FRY: variants seen among roughly 807,000 people sequenced by gnomAD.
FRY encodes FRY microtubule binding protein.
A neutral mutation model predicts 348.4 loss-of-function variants in FRY; 128 were observed. The ratio of observed to expected loss-of-function variants is 0.37; its 90% CI spans 0.32 to 0.43. The LOEUF is 0.43. Ranked by LOEUF, FRY falls within the 20% of genes least tolerant of loss-of-function variation. The pLI, the probability that FRY is intolerant of heterozygous loss-of-function variation, is 1.00. For missense variants in FRY, 2,736 were observed against 3,695.2 expected, an observed-to-expected ratio of 0.74 and a Z score of 6.73; for synonymous variants, 1,370 against 1,374.7, an observed-to-expected ratio of 1.00 and a Z score of 0.08.
At chr13:32,042,985 C>G (rs1345085575) in intron 1 of FRY, among the ~76,000 whole-genome samples, 2 of 152,208 alleles carry the variant, frequency 1.3e-5, no homozygotes, top group Non-Finnish European at 2.9e-5. Flanking sequence ...ATGTATTAGT[C>G]TGTTTTCACA....
rs1429946894 is a variant in FRY at position 32,244,089 on chromosome 13, G to T, written c.6735G>T (p.Val2245=). The T allele has an allele frequency of 1.9e-6, 3 of 1,613,866 alleles. No homozygotes were observed. Among genetic ancestry groups the T allele is most frequent in the Non-Finnish European group, 2.5e-6 (3 of 1,179,840 alleles). ...GTGTGCAGCAGCCCCTGCTCCAGGT[G>T]ATCTACAGTCTTCTCAGCTACATGG... is the stretch of plus-strand genomic sequence containing the variant. The part of the protein sequence containing the change: ...LPSVQQPLLQ[V]IYSLLSYMDL... The change falls in exon 47 of 61, where the codon GTG becomes GTT. Residue 2245 remains valine (V), a synonymous_variant. Coordinates refer to ENST00000542859, the MANE Select transcript of FRY (RefSeq NM_023037.3).
chr13:32,192,077 G>T (rs1230199989), intron 28 of FRY, among the ~76,000 whole-genome samples: 1 of 152,152 alleles, frequency 6.6e-6, no homozygotes, highest in Admixed American at 6.5e-5. Flanking sequence ...TTAAGAGAGT[G>T]CCCAGGGGAG....
chr13:32,178,465 CT>C (rs766495068), intron 21 of FRY, 29 bp downstream of exon 21: 1 of 1,612,244 alleles, frequency 6.2e-7, no homozygotes, highest in South Asian at 1.1e-5. Context: ...TTCCTCTGCC[CT>C]CTTGTTTTTC....
rs191199652 is a variant in FRY at position 32,274,512 on chromosome 13, G to T, written c.8137-330G>T. Among the ~76,000 whole-genome samples the T allele has an allele frequency of 3.3e-3, 504 of 151,722 alleles. 2 individuals are homozygous for T. Among genetic ancestry groups the T allele is most frequent in the African/African-American group, 0.012 (485 of 41,298 alleles). On this transcript the variant is annotated intron_variant, in intron 55 of 60. Coordinates refer to ENST00000542859, the MANE Select transcript of FRY (RefSeq NM_023037.3). ...CACAAGGTCAGATCGAGACCATCCTGGCTAACACAGTGAAACCCCGTCTCT... is the reference window on the plus strand; with the variant it reads ...CACAAGGTCAGATCGAGACCATCCTTGCTAACACAGTGAAACCCCGTCTCT...
intron 28 of FRY, among the ~76,000 whole-genome samples, chr13:32,191,109 C>G (rs1883308979): frequency 6.6e-6 from 1 of 152,102 alleles, no homozygotes; most frequent in African/African-American, 2.4e-5. Context: ...GATAGCCTTA[C>G]TAAAGGAAAG....
Position 32,133,292 on chromosome 13 carries a change from C to T in FRY, c.885+1452C>T, listed in dbSNP as rs1189224725. On this transcript the variant is annotated intron_variant, in intron 8 of 60. Transcript: ENST00000542859. ...GCTCTGGCATTTACCAGCTCTGTGA[C>T]CTGACCAGTCACACTTAACCCCTCC... Among the ~76,000 whole-genome samples the T allele has an allele frequency of 3.9e-5, 6 of 152,122 alleles. 1 individual carries two copies. Among genetic ancestry groups the T allele is most frequent in the Admixed American group, 3.9e-4 (6 of 15,276 alleles).
At chr13:32,210,565 T>A (rs1362678086) in intron 33 of FRY, among the ~76,000 whole-genome samples, 7 of 152,220 alleles carry the variant, frequency 4.6e-5, no homozygotes, top group African/African-American at 1.7e-4. Flanking sequence ...TTTCTGAAGA[T>A]GAGAACTTTG....
At chr13:32,065,793 G>A (rs1874222731) in intron 1 of FRY, among the ~76,000 whole-genome samples, 1 of 151,570 alleles carries the variant, frequency 6.6e-6, no homozygotes, top group South Asian at 2.1e-4. Context: ...TGGTAGAGAT[G>A]GGGTCTCACT....
In FRY at chr13:32,232,435, G is replaced by A. The variant is rs934442267; in HGVS notation, c.5527+1135G>A. 5.0e-4 allele frequency among the ~76,000 whole-genome samples: 76 copies of A among 152,110 alleles called. 1 individual carries two copies. Among genetic ancestry groups the A allele is most frequent in the African/African-American group, 1.1e-3 (47 of 41,408 alleles). On this transcript the variant is annotated intron_variant, in intron 41 of 60. Coordinates refer to ENST00000542859, the MANE Select transcript of FRY (RefSeq NM_023037.3). ...CCTGGAAACACGTGTTAGTCAGGGC[G>A]GCATAGCTGCTGTAACAAACAGCCC...
intron 3 of FRY, among the ~76,000 whole-genome samples, chr13:32,103,086 C>A (rs1241077723): frequency 6.6e-6 from 1 of 152,222 alleles, no homozygotes; most frequent in Non-Finnish European, 1.5e-5. Flanking sequence ...ATTTTATGAG[C>A]TGTTCTGTGA....
intron 55 of FRY, among the ~76,000 whole-genome samples, chr13:32,268,505 AATATATATATATATATATATAT>A (rs869298149): frequency 3.5e-5 from 1 of 28,306 alleles, no homozygotes; most frequent in South Asian, 1.4e-3. Flanking sequence ...AAAAAAAAAA[AATATATATATATATATATATAT>A]ATATATATAT....
chr13:32,245,030 A>G (rs1886709827), intron 47 of FRY, among the ~76,000 whole-genome samples: 1 of 151,836 alleles, frequency 6.6e-6, no homozygotes, highest in South Asian at 2.1e-4. Context: ...GCTCACTGCA[A>G]CCTCCACCTC....
At chr13:32,113,688 A>C (rs1163831796) in intron 3 of FRY, among the ~76,000 whole-genome samples, 1 of 152,242 alleles carries the variant, frequency 6.6e-6, no homozygotes, top group African/African-American at 2.4e-5. Context: ...TCAGGAGCAC[A>C]GAGCTAGAAT....
Position 32,135,111 on chromosome 13 carries a change from C to T in FRY, c.1005C>T (p.Pro335=). ...AAAVKNEVNV[P]CLRNFVESLY... ...CTGTTAAAAATGAAGTAAATGTTCC[C>T]TGCCTTAGAAATTTTGTGGAAAGCC... Residue 335 remains proline, a synonymous_variant, in exon 10 of 61, where the codon CCC becomes CCT. Transcript: ENST00000542859. The T allele has an allele frequency of 1.2e-6, 2 of 1,611,750 alleles. No individual in the cohort carries two copies. Among genetic ancestry groups the T allele is most frequent in the East Asian group, 2.2e-5 (1 of 44,846 alleles).
At chr13:32,156,504 GGC>G (rs1881120395) in intron 15 of FRY, among the ~76,000 whole-genome samples, 1 of 150,624 alleles carries the variant, frequency 6.6e-6, no homozygotes, top group African/African-American at 2.4e-5. Context: ...GGGAGGCTAA[GGC>G]AGGAAAATCA....
At chr13:32,150,687 C>G (rs1052756436) in intron 14 of FRY, among the ~76,000 whole-genome samples, 8 of 152,182 alleles carry the variant, frequency 5.3e-5, no homozygotes, top group African/African-American at 1.9e-4. Flanking sequence ...GGAGACTGCA[C>G]ACCATAAAAA....
chr13:32,235,970 A>C, intron 42 of FRY, 108 bp from the exon 43 acceptor site: 1 of 849,376 alleles, frequency 1.2e-6, no homozygotes, highest in Non-Finnish European at 2.0e-6. Context: ...TTCATAAATT[A>C]AAGCAGCAAT....
chr13:32,076,232 A>G (rs887259239), intron 1 of FRY, among the ~76,000 whole-genome samples: 86 of 152,206 alleles, frequency 5.7e-4, no homozygotes, highest in African/African-American at 2.1e-3. Context: ...CAATAACTGT[A>G]TATATTATAT....
chr13:32,191,175 G>T (rs913337487), intron 28 of FRY, among the ~76,000 whole-genome samples: 2 of 152,130 alleles, frequency 1.3e-5, no homozygotes, highest in Admixed American at 6.5e-5. Flanking sequence ...ATTGCAGATG[G>T]ATTGTAGATC....
Sources: allele counts gnomAD v4.1 joint callset (sites outside exome capture counted in the v4.1 genomes callset), GRCh38; gene constraint gnomAD v4.1.1; transcripts MANE v1.5; gene names NCBI Gene and HGNC (gene_info 2026-07-23, HGNC 2026-07-21).